Variants in NDE1 observed in about 807,000 individuals in gnomAD.
NDE1 encodes nudE neurodevelopment protein 1.
A neutral mutation model predicts 43.4 loss-of-function variants in NDE1; 28 were observed. The ratio of observed to expected loss-of-function variants is 0.65; its 90% CI spans 0.48 to 0.89. The LOEUF (loss-of-function observed/expected upper bound fraction) is 0.89, where lower values mean the gene tolerates loss of function less well. NDE1 is among the 40% of genes least tolerant of loss of function. The pLI is 0.00. For synonymous variants in NDE1, 184 were observed against 172.0 expected (o/e 1.07, Z -0.55); for missense variants, 441 against 434.1 (o/e 1.02, Z -0.14).
At chr16:15,684,933 G>T (rs994398247) in intron 4 of NDE1, among the ~76,000 whole-genome samples, 6 of 152,188 alleles carry the variant, frequency 3.9e-5, no homozygotes, top group African/African-American at 1.2e-4. Context: ...CTAGTTCCCT[G>T]ATCTCTTTTA....
chr16:15,702,754 C>G (rs2039264239), intron 8 of NDE1, among the ~76,000 whole-genome samples: 2 of 152,028 alleles, frequency 1.3e-5, no homozygotes, highest in African/African-American at 4.8e-5. Context: ...TGGACAAGAC[C>G]TTGTGTTTTA....
At chr16:15,676,427 G>T (rs925102163) in intron 3 of NDE1, among the ~76,000 whole-genome samples, 10 of 151,860 alleles carry the variant, frequency 6.6e-5, no homozygotes, top group Non-Finnish European at 1.3e-4. Flanking sequence ...TTCGAGGCAG[G>T]TCTCAAACTT....
At chr16:15,715,565 A>G (rs1317675271) in intron 8 of NDE1, among the ~76,000 whole-genome samples, 1 of 152,144 alleles carries the variant, frequency 6.6e-6, no homozygotes, top group Non-Finnish European at 1.5e-5. Flanking sequence ...ATTCATAGAG[A>G]CAGAAAGTAG....
chr16:15,685,442 G>T (rs1210229546), intron 4 of NDE1, among the ~76,000 whole-genome samples: 3 of 151,922 alleles, frequency 2.0e-5, no homozygotes, highest in Non-Finnish European at 1.5e-5. Context: ...GTAGAGACAG[G>T]GTCTCTCTAT....
intron 8 of NDE1, chr16:15,719,111 G>C (rs1415804490): frequency 2.7e-6 from 3 of 1,096,272 alleles, no homozygotes; most frequent in Non-Finnish European, 4.0e-6. Context: ...CTGGGTGACA[G>C]AATGAAACTC....
At chr16:15,686,905 C>T (rs1172371956) in intron 4 of NDE1, 1 of 886,662 alleles carries the variant, frequency 1.1e-6, no homozygotes, top group Non-Finnish European at 1.4e-6. Context: ...CCAAGCTTGC[C>T]AGGCTGGTCT....
At position 15,720,869 on chromosome 16, in the gene NDE1, A is replaced by G. The variant is rs376132003; in HGVS notation, c.948-3322A>G. On this transcript the variant is annotated intron_variant, in intron 8 of 8. Coordinates refer to ENST00000396354, the MANE Select transcript of NDE1 (RefSeq NM_017668.3). ...TCTGCAGTTGCCTCCTCTTCTCCTC[A>G]TTCTGCTCGTCCCGGGCTTGGAGAT... The G allele has an allele frequency of 2.7e-5, 44 of 1,613,644 alleles. 1 individual carries two copies. Among genetic ancestry groups the G allele is most frequent in the South Asian group, 5.5e-5 (5 of 91,068 alleles).
At chr16:15,706,715 C>CA (rs554587198) in intron 8 of NDE1, among the ~76,000 whole-genome samples, 3 of 150,002 alleles carry the variant, frequency 2.0e-5, no homozygotes, top group Non-Finnish European at 3.0e-5. Context: ...AAAAAAAAAA[C>CA]AAAAAAAAAT....
rs1176043359 is a variant in NDE1, at chr16:15,692,143, AAT to A, written c.703+822_703+823del. 4.6e-5 allele frequency among the ~76,000 whole-genome samples: 7 copies of A among 152,022 alleles called. No homozygotes were observed. The East Asian group carries it at 9.7e-4, about 21-fold the overall frequency. ...GATCAGGCCTTTTACAGCAGATATTAATAACAGACAGTTAAGGAGTGCTCAGT... is the reference window on the plus strand; with the variant it reads ...GATCAGGCCTTTTACAGCAGATATTAAACAGACAGTTAAGGAGTGCTCAGT... On this transcript the variant is annotated intron_variant, in intron 6 of 8. Transcript: ENST00000396354.
intron 3 of NDE1, among the ~76,000 whole-genome samples, chr16:15,671,724 CCT>C (rs369657393): frequency 6.6e-6 from 1 of 151,952 alleles, no homozygotes; most frequent in East Asian, 1.9e-4. Flanking sequence ...AGAGTCTCCC[CCT>C]GTCACCCAGG....
At chr16:15,687,601 A>C (rs2038505139) in intron 5 of NDE1, 90 bp downstream of exon 5, 3 of 1,258,722 alleles carry the variant, frequency 2.4e-6, no homozygotes, top group East Asian at 2.3e-5. Context: ...CATTATCTTT[A>C]CAGGGACCCC....
At chr16:15,658,336 A>C (rs778750887) in intron 1 of NDE1, among the ~76,000 whole-genome samples, 1 of 152,186 alleles carries the variant, frequency 6.6e-6, no homozygotes, top group African/African-American at 2.4e-5. Context: ...TTGGCTCAGC[A>C]TGGGTTAGAT....
intron 8 of NDE1, chr16:15,697,204 G>C (rs910062677): frequency 2.6e-6 from 1 of 381,530 alleles, no homozygotes; most frequent in Non-Finnish European, 3.6e-6. Context: ...CACCGTGCTC[G>C]GCTAATTTTT....
chr16:15,715,102 G>T, intron 8 of NDE1: 1 of 1,612,542 alleles, frequency 6.2e-7, no homozygotes, highest in Non-Finnish European at 8.5e-7. Flanking sequence ...GAGTTGGAGG[G>T]GTGGTTAGGG....
chr16:15,714,727 C>A, intron 8 of NDE1: 1 of 765,028 alleles, frequency 1.3e-6, no homozygotes, highest in Non-Finnish European at 2.2e-6. Flanking sequence ...AGGCAGGGCC[C>A]GGGTCTGATC....
At chr16:15,705,571 G>T (rs903999915) in intron 8 of NDE1, among the ~76,000 whole-genome samples, 7 of 152,160 alleles carry the variant, frequency 4.6e-5, no homozygotes, top group Non-Finnish European at 7.3e-5. Context: ...GACCTGAATC[G>T]GAAGACAGGT....
intron 8 of NDE1, chr16:15,717,753 G>A (rs566934387): frequency 2.4e-4 from 71 of 300,488 alleles, no homozygotes; most frequent in Admixed American, 1.5e-3. Context: ...CCAAGATTGC[G>A]CCACTGCACT....
chr16:15,674,323 A>G (rs1180609719), intron 3 of NDE1, among the ~76,000 whole-genome samples: 1 of 151,634 alleles, frequency 6.6e-6, no homozygotes, highest in Non-Finnish European at 1.5e-5. Context: ...TGCTCACTGC[A>G]ACCTCCGCCT....
At chr16:15,704,218 C>CT in intron 8 of NDE1, 8 of 1,456,160 alleles carry the variant, frequency 5.5e-6, no homozygotes, top group Non-Finnish European at 7.5e-6. Flanking sequence ...AGCTATAGTC[C>CT]TATTGCAATA....
Sources: gnomAD v4.1 joint callset for allele counts (sites outside exome capture counted in the v4.1 genomes callset) on GRCh38, gnomAD v4.1.1 for gene constraint, MANE v1.5 for transcripts, NCBI Gene and HGNC (gene_info 2026-07-23, HGNC 2026-07-21) for gene names.